Variants in TRDN observed in about 807,000 individuals in gnomAD.
TRDN encodes triadin in skeletal muscle.
A neutral mutation model predicts 149.7 loss-of-function variants in TRDN; 161 were observed. The observed-to-expected ratio is 1.08, with a 90% CI of 0.95 to 1.23. TRDN has a LOEUF of 1.23. TRDN is among the 50% of genes most tolerant of loss of function. The probability of loss-of-function intolerance (pLI) is 0.00; values close to 1 mark genes in which losing one functional copy is unlikely to be tolerated. For missense variants in TRDN, 896 were observed against 823.5 expected, an observed-to-expected ratio of 1.09 and a Z score of -1.08; for synonymous variants, 294 against 250.5, an observed-to-expected ratio of 1.17 and a Z score of -1.64.
At chr6:123,503,637 T>C in intron 8 of TRDN, 82 bp downstream of exon 8, 1 of 1,579,400 alleles carries the variant, frequency 6.3e-7, no homozygotes, top group Non-Finnish European at 8.6e-7. Flanking sequence ...TTTGGTCTTT[T>C]TCAACTTTTA....
intron 1 of TRDN, among the ~76,000 whole-genome samples, chr6:123,596,036 G>A (rs1233410622): frequency 6.6e-6 from 1 of 152,080 alleles, no homozygotes; most frequent in Non-Finnish European, 1.5e-5. Context: ...GTTCAAAGCT[G>A]AGCTAGGCCA....
intron 1 of TRDN, among the ~76,000 whole-genome samples, chr6:123,589,199 A>G (rs1392147732): frequency 6.6e-6 from 1 of 152,180 alleles, no homozygotes; most frequent in Non-Finnish European, 1.5e-5. Context: ...AAATCTCCCA[A>G]ATTATGTGGG....
intron 22 of TRDN, among the ~76,000 whole-genome samples, chr6:123,335,382 A>G (rs1779824429): frequency 6.6e-6 from 1 of 151,916 alleles, no homozygotes; most frequent in Non-Finnish European, 1.5e-5. Context: ...CTTTTCAGTA[A>G]GGAATGTCAA....
intron 24 of TRDN, among the ~76,000 whole-genome samples, chr6:123,304,395 G>A (rs1177315026): frequency 6.6e-6 from 1 of 151,512 alleles, no homozygotes; most frequent in Non-Finnish European, 1.5e-5. Flanking sequence ...TGGGACTACA[G>A]GCATGCTCCA....
chr6:123,477,414 G>A (rs977791117), intron 9 of TRDN, among the ~76,000 whole-genome samples: 1 of 149,634 alleles, frequency 6.7e-6, no homozygotes, highest in African/African-American at 2.5e-5. Flanking sequence ...GAAACAACAG[G>A]TGCTGGGGAG....
intron 24 of TRDN, among the ~76,000 whole-genome samples, chr6:123,305,284 G>A (rs1433276721): frequency 1.3e-5 from 2 of 152,086 alleles, no homozygotes; most frequent in Non-Finnish European, 2.9e-5. Context: ...AGCTTCAAGA[G>A]TTTTTTAAAT....
At chr6:123,502,071 T>A in intron 8 of TRDN, 1 of 983,982 alleles carries the variant, frequency 1.0e-6, no homozygotes, top group Non-Finnish European at 1.2e-6. Flanking sequence ...TTACACTCTG[T>A]ATTTATGGTT....
rs77693535 is a variant in TRDN, at chr6:123,632,914, T to C, written c.22+3840A>G. Among the ~76,000 whole-genome samples the C allele has an allele frequency of 7.2e-3, 1,099 of 151,752 alleles. 64 individuals are homozygous for C. The East Asian group carries it at 0.16, about 22-fold the overall frequency. ...TCTTGTGCTGCAGACTCTATGGGAG[T>C]AATGCAGTGTGTAGAATATAAATGA... On this transcript the variant is annotated intron_variant, in intron 1 of 40. Coordinates refer to ENST00000334268, the MANE Select transcript of TRDN (RefSeq NM_006073.4).
intron 24 of TRDN, among the ~76,000 whole-genome samples, chr6:123,305,441 C>T (rs1778574082): frequency 6.6e-6 from 1 of 152,114 alleles, no homozygotes; most frequent in South Asian, 2.1e-4. Context: ...TTAGGTTCCT[C>T]CAATTCAACT....
At chr6:123,580,001 C>A (rs1783043517) in intron 1 of TRDN, among the ~76,000 whole-genome samples, 1 of 152,158 alleles carries the variant, frequency 6.6e-6, no homozygotes, top group Admixed American at 6.5e-5. Flanking sequence ...AAACCTCTTT[C>A]CTTTATAAAT....
chr6:123,338,438 C>T (rs1174556937), intron 21 of TRDN, among the ~76,000 whole-genome samples: 3 of 152,170 alleles, frequency 2.0e-5, no homozygotes, highest in Non-Finnish European at 4.4e-5. Context: ...AATCTAGTGA[C>T]ACCTGCTTTG....
intron 10 of TRDN, chr6:123,462,981 C>T (rs1191753098): frequency 1.3e-5 from 2 of 152,180 alleles, no homozygotes; most frequent in African/African-American, 4.8e-5. Context: ...TTGTGATCCT[C>T]AAACCTTGTT....
chr6:123,343,348 T>C (rs1780133444), intron 21 of TRDN, among the ~76,000 whole-genome samples: 1 of 152,002 alleles, frequency 6.6e-6, no homozygotes, highest in African/African-American at 2.4e-5. Flanking sequence ...TTCTATATTG[T>C]CTTTTGAACT....
intron 23 of TRDN, among the ~76,000 whole-genome samples, chr6:123,323,359 T>A (rs998993371): frequency 4.6e-5 from 7 of 152,114 alleles, no homozygotes; most frequent in Non-Finnish European, 8.8e-5. Flanking sequence ...ACTACTGACA[T>A]CACTGCTTTT....
chr6:123,554,447 A>C (rs1025729883), intron 2 of TRDN, among the ~76,000 whole-genome samples: 25 of 152,350 alleles, frequency 1.6e-4, no homozygotes, highest in African/African-American at 4.3e-4. Context: ...GACCTAAAGA[A>C]ATAATTTTAA....
intron 10 of TRDN, chr6:123,445,255 G>T (rs1282754281): frequency 2.0e-5 from 3 of 152,184 alleles, no homozygotes; most frequent in African/African-American, 7.3e-5. Context: ...TTGGGAGAGT[G>T]TATGTTAGAC....
intron 4 of TRDN, among the ~76,000 whole-genome samples, chr6:123,545,943 A>G (rs988204895): frequency 2.3e-4 from 35 of 152,236 alleles, no homozygotes; most frequent in African/African-American, 8.2e-4. Flanking sequence ...TTTATGAAAA[A>G]CATGGCTTTA....
chr6:123,587,948 G>A (rs928432704), intron 1 of TRDN, among the ~76,000 whole-genome samples: 6 of 152,158 alleles, frequency 3.9e-5, no homozygotes, highest in Admixed American at 3.3e-4. Flanking sequence ...TGTCGATCTG[G>A]ATGTGTACGT....
intron 1 of TRDN, among the ~76,000 whole-genome samples, chr6:123,633,183 T>C (rs987661044): frequency 6.6e-6 from 1 of 152,070 alleles, no homozygotes; most frequent in African/African-American, 2.4e-5. Context: ...TAATTATATA[T>C]GGGATTCCCA....
Sources: gnomAD v4.1 joint callset for allele counts (sites outside exome capture counted in the v4.1 genomes callset) on GRCh38, gnomAD v4.1.1 for gene constraint, MANE v1.5 for transcripts, NCBI Gene and HGNC (gene_info 2026-07-23, HGNC 2026-07-21) for gene names.